Variants in SYF2 observed in about 807,000 individuals in gnomAD.
The protein encoded by SYF2 is pre-mRNA-splicing factor SYF2.
SYF2 carries 21 observed loss-of-function variants against 32.7 expected under a neutral mutation model. That is an observed-to-expected ratio of 0.64 (90% CI 0.45 to 0.92). SYF2 has a LOEUF of 0.92. Among genes scored for constraint, SYF2 ranks in the 40% least tolerant of loss-of-function variants. SYF2 has a pLI of 0.00. For synonymous variants in SYF2, 114 were observed against 103.9 expected (o/e 1.10, Z -0.59); for missense variants, 278 against 296.5 (o/e 0.94, Z 0.46).
At chr1:25,227,555 A>C (rs1372520366) in intron 4 of SYF2, 23 bp from the exon 5 acceptor site, 1 of 1,602,224 alleles carries the variant, frequency 6.2e-7, no homozygotes, top group Admixed American at 1.7e-5. Context: ...AATGAGAATC[A>C]GCGATAATAT....
chr1:25,224,343 C>CT (rs1638465371), intron 6 of SYF2, among the ~76,000 whole-genome samples: 2 of 152,124 alleles, frequency 1.3e-5, no homozygotes, highest in Non-Finnish European at 2.9e-5. Flanking sequence ...GCACCCTCCA[C>CT]TTCTTGGACT....
intron 6 of SYF2, among the ~76,000 whole-genome samples, chr1:25,224,433 T>G (rs1638467722): frequency 6.6e-6 from 1 of 152,142 alleles, no homozygotes. Flanking sequence ...TTCCTGTATA[T>G]TTTTTGTAGA....
At position 25,222,759 on chromosome 1, in the gene SYF2, T is replaced by C. The variant is rs1638433287; in HGVS notation, c.*507A>G. On this transcript the variant is annotated 3_prime_UTR_variant, in exon 7 of 7. Transcript: ENST00000236273. ...TCAGATCATGGAAGGATAGCTCCAC[T>C]CCTCCCCGACCTTGGTCACAGGCCG... The C allele has an allele frequency of 1.3e-5, 2 of 152,952 alleles. No individual in the cohort carries two copies. Among genetic ancestry groups the C allele is most frequent in the African/African-American group, 4.8e-5 (2 of 41,454 alleles). 9.5% of individuals were successfully genotyped at this position (152,952 alleles called of 1,614,324 possible).
chr1:25,225,684 C>A (rs1571488141), intron 5 of SYF2, among the ~76,000 whole-genome samples: 1 of 150,174 alleles, frequency 6.7e-6, no homozygotes, highest in East Asian at 1.9e-4. Flanking sequence ...ATGGTGATAC[C>A]CCATCTCTAC....
intron 5 of SYF2, 65 bp downstream of exon 5, chr1:25,227,377 G>A: frequency 8.0e-7 from 1 of 1,251,602 alleles, no homozygotes; most frequent in Admixed American, 2.0e-5. Context: ...TTCTATTTAT[G>A]TACATGTATA....
At chr1:25,228,611 C>T (rs545103285) in intron 3 of SYF2, among the ~76,000 whole-genome samples, 1 of 152,292 alleles carries the variant, frequency 6.6e-6, no homozygotes, top group African/African-American at 2.4e-5. Context: ...GCTGGGATTA[C>T]AGGCATGAGC....
rs145214642 is a variant in SYF2, at chr1:25,229,221, A to C, written c.133-98T>G. The C allele has an allele frequency of 7.9e-6, 11 of 1,394,560 alleles. No homozygotes were observed. In the East Asian group the frequency reaches 2.6e-4, roughly 32 times the overall value. The allele number at this position is 1,394,560 out of a possible 1,614,324, so 86.4% of individuals were successfully genotyped here. ...GGAGGGTCAGGCAGGACATATTAAT[A>C]AGCTGACCCCATTTTATCCTAAAAG... On this transcript the variant is annotated intron_variant, in intron 2 of 6. Coordinates refer to ENST00000236273, the MANE Select transcript of SYF2 (RefSeq NM_015484.5).
chr1:25,229,266 G>T, intron 2 of SYF2, 143 bp from the exon 3 acceptor site: 1 of 1,026,102 alleles, frequency 9.7e-7, no homozygotes, highest in Non-Finnish European at 1.4e-6. Context: ...GCCATCACAG[G>T]ATTTTAAGCC....
intron 2 of SYF2, 90 bp from the exon 3 acceptor site, chr1:25,229,213 A>C (rs1638579195): frequency 4.7e-6 from 7 of 1,475,250 alleles, no homozygotes; most frequent in Non-Finnish European, 6.4e-6. Context: ...CAGGCAGGAC[A>C]TATTAATAAG....
At chr1:25,224,604 T>C (rs1638470643) in intron 6 of SYF2, among the ~76,000 whole-genome samples, 2 of 152,130 alleles carry the variant, frequency 1.3e-5, no homozygotes, top group African/African-American at 4.8e-5. Flanking sequence ...CTAAAATATA[T>C]TTTCATTCTG....
chr1:25,223,769 C>T (rs540130562), intron 6 of SYF2, among the ~76,000 whole-genome samples: 1 of 152,178 alleles, frequency 6.6e-6, no homozygotes, highest in East Asian at 1.9e-4. Flanking sequence ...GACAAGGCCT[C>T]CCAAAAGGTC....
At position 25,226,982 on chromosome 1, in the gene SYF2, T is replaced by TA. The variant is rs573395655; in HGVS notation, c.467+459dup. Among the ~76,000 whole-genome samples the TA allele has an allele frequency of 5.6e-4, 79 of 140,970 alleles. No individual in the cohort carries two copies. In the Middle Eastern group the frequency reaches 0.011, roughly 20 times the overall value. The allele number at this position is 140,970 out of a possible 152,430, so 92.5% of individuals were successfully genotyped here. ...AGCAACAGAGCGAGACACCGTCTCT[T>TA]AAAAAAAAAAAAAGGAAGGGCCGGG... On this transcript the variant is annotated intron_variant, in intron 5 of 6. Coordinates refer to ENST00000236273, the MANE Select transcript of SYF2 (RefSeq NM_015484.5).
At chr1:25,231,967 C>A (rs755347082) in intron 2 of SYF2, 137 bp downstream of exon 2, 1 of 887,564 alleles carries the variant, frequency 1.1e-6, no homozygotes, top group African/African-American at 1.7e-5. Flanking sequence ...TTGAGTACCA[C>A]CGAACAGAGC....
At chr1:25,227,382 T>C (rs1159293995) in intron 5 of SYF2, 60 bp downstream of exon 5, 11 of 1,314,936 alleles carry the variant, frequency 8.4e-6, no homozygotes, top group African/African-American at 1.5e-5. Flanking sequence ...TTTATGTACA[T>C]GTATACACAC....
rs942814404 is a variant in SYF2, at chr1:25,222,760, C to T, written c.*506G>A. On this transcript the variant is annotated 3_prime_UTR_variant, in exon 7 of 7. Coordinates refer to ENST00000236273, the MANE Select transcript of SYF2 (RefSeq NM_015484.5). ...CAGATCATGGAAGGATAGCTCCACT[C>T]CTCCCCGACCTTGGTCACAGGCCGC... 1 of 153,006 alleles carries T rather than the reference C, an allele frequency of 6.5e-6. No homozygotes were observed. Among genetic ancestry groups the T allele is most frequent in the Non-Finnish European group, 1.5e-5 (1 of 68,486 alleles). 9.5% of individuals were successfully genotyped at this position (153,006 alleles called of 1,614,324 possible).
Position 25,223,173 on chromosome 1 carries a change from C to T in SYF2, c.*93G>A, listed in dbSNP as rs1638441097. On this transcript the variant is annotated 3_prime_UTR_variant, in exon 7 of 7. Transcript: ENST00000236273. ...GTGAGAAGGCATGGACTACTAAATT[C>T]TGGATTACTGATAAAATTTCAAAAA... 1 of 1,293,468 alleles carries T rather than the reference C, an allele frequency of 7.7e-7. No individual in the cohort carries two copies. Among genetic ancestry groups the T allele is most frequent in the African/African-American group, 1.5e-5 (1 of 67,298 alleles). 80.1% of individuals were successfully genotyped at this position (1,293,468 alleles called of 1,614,324 possible).
rs1019353614 is a variant in SYF2, at chr1:25,230,009, T to C, written c.133-886A>G. The stretch of plus-strand genomic sequence containing the variant: ...TTTTTTTGTATTTTTGGTAGAAACG[T>C]GGTTTTGCAGTTTGGCCAGGCTGGT... On this transcript the variant is annotated intron_variant, in intron 2 of 6. Transcript: ENST00000236273. Among the ~76,000 whole-genome samples, 4 of 152,114 alleles carry C rather than the reference T, an allele frequency of 2.6e-5. No homozygotes were observed. The East Asian group carries it at 5.8e-4, about 22-fold the overall frequency.
At chr1:25,223,905 T>G (rs189201203) in intron 6 of SYF2, among the ~76,000 whole-genome samples, 1 of 152,140 alleles carries the variant, frequency 6.6e-6, no homozygotes, top group East Asian at 1.9e-4. Context: ...TATAACAATA[T>G]TAAATAGGCC....
Position 25,222,985 on chromosome 1 carries a change from C to G in SYF2, c.*281G>C. ...GCTTCAAAGATTAAACAGCCATATACATTTAAAATACATAGAAAAATAATA... is the reference window on the plus strand; with the variant it reads ...GCTTCAAAGATTAAACAGCCATATAGATTTAAAATACATAGAAAAATAATA... On this transcript the variant is annotated 3_prime_UTR_variant, in exon 7 of 7. Coordinates refer to ENST00000236273, the MANE Select transcript of SYF2 (RefSeq NM_015484.5). 4.5e-6 allele frequency: 1 copy of G among 222,506 alleles called. No individual in the cohort carries two copies. Among genetic ancestry groups the G allele is most frequent in the Non-Finnish European group, 8.9e-6 (1 of 112,274 alleles). The allele number at this position is 222,506 out of a possible 1,614,324, so 13.8% of individuals were successfully genotyped here.
Sources: allele counts gnomAD v4.1 joint callset (sites outside exome capture counted in the v4.1 genomes callset), GRCh38; gene constraint gnomAD v4.1.1; transcripts MANE v1.5; gene names NCBI Gene and HGNC (gene_info 2026-07-23, HGNC 2026-07-21).